Variants in UGT1A10 observed in about 807,000 individuals in gnomAD.
The protein encoded by UGT1A10 is UDP glucuronosyltransferase family 1 member A10, also known as UDP-glucuronosyltransferase 1A10.
In UGT1A10, 49 loss-of-function variants were observed where a neutral mutation model predicts 45.8. The observed-to-expected ratio is 1.07, with a 90% CI of 0.85 to 1.36. The LOEUF is 1.36. Ranked by LOEUF, UGT1A10 falls within the 40% of genes most tolerant of loss-of-function variation. The probability of loss-of-function intolerance (pLI) is 0.00; values close to 1 mark genes in which losing one functional copy is unlikely to be tolerated. For missense variants in UGT1A10, 745 were observed against 668.6 expected (o/e 1.11, Z -1.26); for synonymous variants, 284 against 249.7 (o/e 1.14, Z -1.29).
At chr2:233,713,323 C>T (rs758064318) in intron 1 of UGT1A10, 21 of 1,614,222 alleles carry the variant, frequency 1.3e-5, no homozygotes, top group Non-Finnish European at 1.7e-6. Context: ...ATGAAATTTT[C>T]TAGAAGAATG....
intron 1 of UGT1A10, among the ~76,000 whole-genome samples, chr2:233,742,214 A>C (rs1413606991): frequency 6.6e-6 from 1 of 151,982 alleles, no homozygotes; most frequent in African/African-American, 2.4e-5. Context: ...CACAGCCTTC[A>C]GGGCTGAGAG....
chr2:233,677,661 A>C lies in UGT1A10; in HGVS notation c.855+40284A>C, dbSNP rs544267971. ...CACACCAGTTAGAATGGCTGTTATT[A>C]AAAAGTCAAGAAATAATAGATGCTG... On this transcript the variant is annotated intron_variant, in intron 1 of 4. Transcript: ENST00000344644. 7.2e-5 allele frequency among the ~76,000 whole-genome samples: 11 copies of C among 152,290 alleles called. No individual in the cohort carries two copies. In the East Asian group the frequency reaches 2.1e-3, roughly 29 times the overall value.
intron 1 of UGT1A10, among the ~76,000 whole-genome samples, chr2:233,667,491 A>G (rs1403769670): frequency 6.6e-6 from 1 of 152,246 alleles, no homozygotes; most frequent in Non-Finnish European, 1.5e-5. Context: ...TCATGTCTAA[A>G]ACACCAAAAG....
intron 1 of UGT1A10, among the ~76,000 whole-genome samples, chr2:233,683,273 C>A (rs755879410): frequency 5.9e-5 from 9 of 151,828 alleles, no homozygotes; most frequent in Non-Finnish European, 1.2e-4. Flanking sequence ...TTTCTCTTGT[C>A]AATAAGTTAA....
In UGT1A10 at chr2:233,672,279, C is replaced by T. The variant is rs758969692; in HGVS notation, c.855+34902C>T. 7.4e-6 allele frequency: 12 copies of T among 1,613,642 alleles called. No homozygotes were observed. The Admixed American group carries it at 1.3e-4, about 18-fold the overall frequency. Reference sequence around the variant, plus strand: ...CTCTATTAATGGGTTCATACAATGACATTTTTGACTTATTTTTTTCAAATT... The same window carrying T: ...CTCTATTAATGGGTTCATACAATGATATTTTTGACTTATTTTTTTCAAATT... On this transcript the variant is annotated intron_variant, in intron 1 of 4. Transcript: ENST00000344644.
chr2:233,688,981 C>T (rs879842789), intron 1 of UGT1A10, among the ~76,000 whole-genome samples: 2 of 152,190 alleles, frequency 1.3e-5, no homozygotes, highest in African/African-American at 2.4e-5. Flanking sequence ...TCTTTCCCTT[C>T]ATCCCTATGT....
At chr2:233,761,017 G>A (rs1188733606) in intron 1 of UGT1A10, 1 of 1,614,178 alleles carries the variant, frequency 6.2e-7, no homozygotes, top group Non-Finnish European at 8.5e-7. Flanking sequence ...AGAGGTGACT[G>A]TCCAGGACCT....
At chr2:233,755,161 C>CG in intron 1 of UGT1A10, 1 of 1,292,236 alleles carries the variant, frequency 7.7e-7, no homozygotes, top group Non-Finnish European at 1.0e-6. Context: ...TCCCTGTCCT[C>CG]GGGGTTTTTG....
chr2:233,647,236 C>T (rs191887176), intron 1 of UGT1A10, among the ~76,000 whole-genome samples: 5 of 152,296 alleles, frequency 3.3e-5, no homozygotes, highest in Admixed American at 3.3e-4. Context: ...AGTTCCAATT[C>T]AAGATGAGCT....
chr2:233,674,000 G>C (rs2074269911), intron 1 of UGT1A10, among the ~76,000 whole-genome samples: 1 of 152,176 alleles, frequency 6.6e-6, no homozygotes, highest in East Asian at 1.9e-4. Flanking sequence ...TGATTGAAAA[G>C]TCCATGACAA....
chr2:233,738,229 G>GCTCC lies in UGT1A10; in HGVS notation c.856-28804_856-28803insTCCC, dbSNP rs56839564. ...CTGCCAGGATTATAAGTTTCCTGAGGCCCCTCCAGCCACATGGAACTGGAG... is the reference window on the plus strand; with the variant it reads ...CTGCCAGGATTATAAGTTTCCTGAGGCTCCCCCCTCCAGCCACATGGAACTGGAG... On this transcript the variant is annotated intron_variant, in intron 1 of 4. Transcript: ENST00000344644. Among the ~76,000 whole-genome samples, 1,480 of 152,188 alleles carry GCTCC rather than the reference G, an allele frequency of 9.7e-3. 33 individuals are homozygous for GCTCC. The highest frequency in any genetic ancestry group is 0.033 in the African/African-American group (1,389 of 41,506).
intron 1 of UGT1A10, chr2:233,761,300 G>A (rs2125991152): frequency 6.7e-7 from 1 of 1,496,402 alleles, no homozygotes; most frequent in Non-Finnish European, 9.1e-7. Flanking sequence ...CTAGGTTTGA[G>A]TCTGTCTTTG....
At chr2:233,661,207 G>A (rs370739998) in intron 1 of UGT1A10, among the ~76,000 whole-genome samples, 1 of 151,652 alleles carries the variant, frequency 6.6e-6, no homozygotes, top group African/African-American at 2.4e-5. Flanking sequence ...CAACAGTCTG[G>A]TCTATTTTCC....
chr2:233,645,681 A>G (rs966022315), intron 1 of UGT1A10, among the ~76,000 whole-genome samples: 3 of 152,236 alleles, frequency 2.0e-5, no homozygotes, highest in Non-Finnish European at 2.9e-5. Context: ...TCTCACATCC[A>G]GGTCTTGCTG....
At chr2:233,762,352 C>T (rs1368513264) in intron 1 of UGT1A10, among the ~76,000 whole-genome samples, 3 of 152,200 alleles carry the variant, frequency 2.0e-5, no homozygotes, top group South Asian at 2.1e-4. Flanking sequence ...GTTCTTTGTA[C>T]TCCAGCTATT....
intron 1 of UGT1A10, among the ~76,000 whole-genome samples, chr2:233,756,771 G>T (rs1424521769): frequency 2.0e-5 from 3 of 152,000 alleles, no homozygotes; most frequent in Admixed American, 6.5e-5. Flanking sequence ...TGGATTCTTT[G>T]CTTTGATAAA....
chr2:233,770,092 A>G (rs969996398), intron 4 of UGT1A10: 1 of 152,744 alleles, frequency 6.5e-6, no homozygotes, highest in Non-Finnish European at 1.5e-5. Flanking sequence ...AGTGGTATAG[A>G]TAACTACTTG....
At chr2:233,753,409 C>A (rs1226930464) in intron 1 of UGT1A10, 1 of 152,194 alleles carries the variant, frequency 6.6e-6, no homozygotes, top group African/African-American at 2.4e-5. Flanking sequence ...CATATCCAAA[C>A]CCATTGTCAC....
In UGT1A10 at chr2:233,681,741, C is replaced by T. The variant is rs1044200513; in HGVS notation, c.855+44364C>T. ...TGATGAGTTACTCTTTTCTTGAAAA[C>T]ATATAAGCAGGTATCTCAGCAAAGG... On this transcript the variant is annotated intron_variant, in intron 1 of 4. Transcript: ENST00000344644. The T allele has an allele frequency of 5.1e-6, 4 of 785,016 alleles. No individual in the cohort carries two copies. The African/African-American group carries it at 7.5e-5, about 15-fold the overall frequency. 48.6% of individuals were successfully genotyped at this position (785,016 alleles called of 1,614,324 possible). A position where few individuals can be genotyped will look rare whatever the true frequency, so the allele number is the denominator to read the frequency against.
Sources: allele counts gnomAD v4.1 joint callset (sites outside exome capture counted in the v4.1 genomes callset), GRCh38; gene constraint gnomAD v4.1.1; transcripts MANE v1.5; gene names NCBI Gene and HGNC (gene_info 2026-07-23, HGNC 2026-07-21).